ITPKB: variants seen among roughly 807,000 people sequenced by gnomAD.
The protein encoded by ITPKB is inositol-trisphosphate 3-kinase B.
In ITPKB, 13 loss-of-function variants were observed where a neutral mutation model predicts 69.4. That is an observed-to-expected ratio of 0.19 (90% CI 0.12 to 0.30). The LOEUF (loss-of-function observed/expected upper bound fraction) is 0.30. Among genes scored for constraint, ITPKB ranks in the 10% least tolerant of loss-of-function variants. ITPKB has a pLI of 1.00. For missense variants in ITPKB, 1,240 were observed against 1,250.5 expected, an observed-to-expected ratio of 0.99 and a Z score of 0.13; for synonymous variants, 584 against 513.7, an observed-to-expected ratio of 1.14 and a Z score of -1.85.
intron 2 of ITPKB, among the ~76,000 whole-genome samples, chr1:226,730,655 T>G (rs1657564063): frequency 6.6e-6 from 1 of 152,038 alleles, no homozygotes. Context: ...AAGTCTGTAG[T>G]TTTTTTTCCA....
intron 2 of ITPKB, among the ~76,000 whole-genome samples, chr1:226,654,801 G>A (rs1669258672): frequency 6.6e-6 from 1 of 152,204 alleles, no homozygotes; most frequent in Admixed American, 6.5e-5. Context: ...CGGAAACACT[G>A]CCTTCAACAA....
chr1:226,648,689 T>G lies in ITPKB; in HGVS notation c.2015A>C (p.Gln672Pro). 6.2e-7 allele frequency: 1 copy of G among 1,610,110 alleles called. No individual in the cohort carries two copies. The change falls in exon 3 of 8, where the codon CAG (glutamine) becomes CCG (proline). Residue 672 changes from glutamine (Q) to proline (P), a missense_variant. By Grantham distance (76) the Gln-to-Pro change is moderately conservative. This residue lies in a region of ITPKB where 248 missense variants were observed against 396.7 expected (regional missense o/e 0.63). Coordinates refer to ENST00000429204, the MANE Select transcript of ITPKB (RefSeq NM_002221.4). ...MSFKKKYPWIQLAGHAGSFKA... is the reference protein window; with the variant it reads ...MSFKKKYPWIPLAGHAGSFKA... ...GTGTCTACCTGCGTGTCCTGCCAGC[T>G]GGATCCAGGGGTACTTCTTCTTGAA...
chr1:226,737,264 G>A lies in ITPKB; in HGVS notation c.195C>T (p.Ser65=), dbSNP rs1039829015. ...SFLFPPAESL[S]PEEPRSPGGW... ...CCCCGGGGCTCCGGGGCTCCTCGGG[G>A]GACAGCGACTCGGCTGGGGGGAAGA... Residue 65 remains serine, a synonymous_variant, in exon 2 of 8, where the codon TCC becomes TCT. Coordinates refer to ENST00000429204, the MANE Select transcript of ITPKB (RefSeq NM_002221.4). 46 of 1,553,620 alleles carry A rather than the reference G, an allele frequency of 3.0e-5. No homozygotes were observed. Among genetic ancestry groups the A allele is most frequent in the Non-Finnish European group, 3.5e-5 (41 of 1,157,092 alleles).
chr1:226,636,752 C>CTGTG (rs3831353), intron 7 of ITPKB, among the ~76,000 whole-genome samples: 12,419 of 139,858 alleles, frequency 0.089, 714 homozygotes, highest in African/African-American at 0.16. Context: ...GACTGCAGCT[C>CTGTG]TGTGTGTGTG....
At chr1:226,661,097 G>A (rs939262067) in intron 2 of ITPKB, among the ~76,000 whole-genome samples, 3 of 152,214 alleles carry the variant, frequency 2.0e-5, no homozygotes, top group Non-Finnish European at 2.9e-5. Flanking sequence ...TCCATCTTGG[G>A]CCGCTCTCTC....
intron 4 of ITPKB, among the ~76,000 whole-genome samples, chr1:226,646,181 A>G (rs1669057889): frequency 6.6e-6 from 1 of 152,152 alleles, no homozygotes; most frequent in Admixed American, 6.5e-5. Context: ...GCAAGGAAGC[A>G]TGGGGGGGCT....
intron 2 of ITPKB, among the ~76,000 whole-genome samples, chr1:226,662,769 A>AT (rs1669423626): frequency 6.6e-6 from 1 of 152,264 alleles, no homozygotes; most frequent in South Asian, 2.1e-4. Flanking sequence ...GGTGCAATTC[A>AT]TATTTCTGAC....
intron 2 of ITPKB, among the ~76,000 whole-genome samples, chr1:226,711,436 A>AGT (rs1325996088): frequency 8.3e-5 from 11 of 132,210 alleles, no homozygotes; most frequent in Non-Finnish European, 1.8e-4. Flanking sequence ...AGAGAGAGAG[A>AGT]GAGAGAGTGT....
chr1:226,737,393 G>T lies in ITPKB; in HGVS notation c.66C>A (p.Ser22Arg). The T allele has an allele frequency of 6.2e-7, 1 of 1,610,924 alleles. No individual in the cohort carries two copies. Among genetic ancestry groups the T allele is most frequent in the Non-Finnish European group, 8.5e-7 (1 of 1,179,552 alleles). Residue 22 changes from serine to arginine, a missense_variant, in exon 2 of 8, where the codon AGC becomes AGA. Ser to Arg is a moderately radical substitution (Grantham distance 110). Coordinates refer to ENST00000429204, the MANE Select transcript of ITPKB (RefSeq NM_002221.4). ...VIMNSANEMK[S>R]GGGPGPSGSE... ...TGCCACTGGGCCCCGGGCCGCCGCC[G>T]CTCTTCATCTCGTTGGCGCTATTCA...
At chr1:226,712,560 TGAAGG>T (rs1656988018) in intron 2 of ITPKB, among the ~76,000 whole-genome samples, 1 of 152,128 alleles carries the variant, frequency 6.6e-6, no homozygotes, top group Non-Finnish European at 1.5e-5. Context: ...ACAAAGACGT[TGAAGG>T]GAAGGTGGTC....
Position 226,641,839 on chromosome 1 carries a change from T to G in ITPKB, c.2451+82A>C. On this transcript the variant is annotated intron_variant, in intron 5 of 7. Transcript: ENST00000429204. This position sits in a 1 kb window ranked among gnomAD's most constrained non-coding sequence, Gnocchi z 4.6. ...GCCTGTGCCTGGAGAAGCTTACAGCTTCCAAAGGGCGCTGAGAGAAGCCAA... is the reference window on the plus strand; with the variant it reads ...GCCTGTGCCTGGAGAAGCTTACAGCGTCCAAAGGGCGCTGAGAGAAGCCAA... The G allele has an allele frequency of 1.5e-6, 2 of 1,300,030 alleles. No individual in the cohort carries two copies. The highest frequency in any genetic ancestry group is 2.2e-6 in the Non-Finnish European group (2 of 929,840). 80.5% of individuals were successfully genotyped at this position (1,300,030 alleles called of 1,614,324 possible).
chr1:226,736,527 G>A lies in ITPKB; in HGVS notation c.932C>T (p.Thr311Ile). ...TMATEVAARV[T>I]STGPHRPQDL... ...CTGTGGACGGTGTGGCCCAGTGGAT[G>A]TAACTCTCGCTGCCACTTCCGTGGC... The change falls in exon 2 of 8, where the codon ACA (threonine) becomes ATA (isoleucine). Residue 311 changes from threonine (T) to isoleucine (I), a missense_variant. Coordinates refer to ENST00000429204, the MANE Select transcript of ITPKB (RefSeq NM_002221.4). 1 of 1,613,960 alleles carries A rather than the reference G, an allele frequency of 6.2e-7. No individual in the cohort carries two copies. Among genetic ancestry groups the A allele is most frequent in the South Asian group, 1.1e-5 (1 of 91,090 alleles).
At chr1:226,694,413 TTCTA>T (rs1385454993) in intron 2 of ITPKB, among the ~76,000 whole-genome samples, 1 of 152,196 alleles carries the variant, frequency 6.6e-6, no homozygotes, top group African/African-American at 2.4e-5. Flanking sequence ...TAGTCAACCT[TTCTA>T]TCTATGACTT....
chr1:226,672,169 G>A (rs1430870549), intron 2 of ITPKB, among the ~76,000 whole-genome samples: 1 of 152,118 alleles, frequency 6.6e-6, no homozygotes, highest in Non-Finnish European at 1.5e-5. Flanking sequence ...TTTTATCTGA[G>A]AATCCAAGCC....
intron 2 of ITPKB, among the ~76,000 whole-genome samples, chr1:226,668,584 G>A (rs1669550026): frequency 1.3e-5 from 2 of 152,240 alleles, no homozygotes; most frequent in Non-Finnish European, 2.9e-5. Context: ...CAATCCTGAA[G>A]AACTGAAGAA....
intron 2 of ITPKB, among the ~76,000 whole-genome samples, chr1:226,654,376 C>T (rs962598658): frequency 2.6e-5 from 4 of 152,224 alleles, no homozygotes; most frequent in Non-Finnish European, 4.4e-5. Flanking sequence ...CTGCTCCCCA[C>T]GTCACCTGGG....
At chr1:226,702,910 TTAAA>T (rs771453364) in intron 2 of ITPKB, among the ~76,000 whole-genome samples, 2 of 152,318 alleles carry the variant, frequency 1.3e-5, no homozygotes, top group African/African-American at 2.4e-5. Flanking sequence ...TCCTTTCTAA[TTAAA>T]TATTTTTCCT....
chr1:226,722,948 C>G (rs1036561327), intron 2 of ITPKB, among the ~76,000 whole-genome samples: 1 of 152,178 alleles, frequency 6.6e-6, no homozygotes, highest in Admixed American at 6.5e-5. Flanking sequence ...CCCTGCCCCC[C>G]ACCCATTACA....
chr1:226,648,687 G>C lies in ITPKB; in HGVS notation c.2017C>G (p.Leu673Val). ...CTGTGTCTACCTGCGTGTCCTGCCAGCTGGATCCAGGGGTACTTCTTCTTG... is the reference window on the plus strand; with the variant it reads ...CTGTGTCTACCTGCGTGTCCTGCCACCTGGATCCAGGGGTACTTCTTCTTG... ...SFKKKYPWIQ[L>V]AGHAGSFKAA... is the part of the protein sequence containing the mutation. The change falls in exon 3 of 8, where the codon CTG (leucine) becomes GTG (valine). Residue 673 changes from leucine to valine, a missense_variant. Physicochemically the swap from Leu to Val is conservative, Grantham distance 32. Transcript: ENST00000429204. 1 of 1,608,920 alleles carries C rather than the reference G, an allele frequency of 6.2e-7. No homozygotes were observed.
Sources: gnomAD v4.1 joint callset for allele counts (sites outside exome capture counted in the v4.1 genomes callset) on GRCh38, gnomAD v4.1.1 for gene constraint, gnomAD v4.1.1 regional missense constraint, Gnocchi (gnomAD v3.1) non-coding constraint, MANE v1.5 for transcripts, NCBI Gene and HGNC (gene_info 2026-07-23, HGNC 2026-07-21) for gene names.